TRHDE: variants seen among roughly 807,000 people sequenced by gnomAD.
TRHDE encodes thyrotropin releasing hormone degrading enzyme.
TRHDE carries 72 observed loss-of-function variants against 125.7 expected under a neutral mutation model. That is an observed-to-expected ratio of 0.57 (90% CI 0.47 to 0.70). The LOEUF (loss-of-function observed/expected upper bound fraction) is 0.70. TRHDE is among the 30% of genes least tolerant of loss of function. The pLI is 0.00. For missense variants in TRHDE, 1,110 were observed against 1,327.1 expected, an observed-to-expected ratio of 0.84 and a Z score of 2.54; for synonymous variants, 509 against 509.1, an observed-to-expected ratio of 1.00 and a Z score of 0.00.
chr12:72,105,473 T>G (rs1235972957), intron 1 of TRHDE, among the ~76,000 whole-genome samples: 1 of 152,176 alleles, frequency 6.6e-6, no homozygotes, highest in African/African-American at 2.4e-5. Context: ...TATGGACAGC[T>G]GTGAATGCCA....
chr12:72,498,988 TG>T, intron 5 of TRHDE, among the ~76,000 whole-genome samples: 9 of 151,836 alleles, frequency 5.9e-5, no homozygotes, highest in South Asian at 2.1e-4. Flanking sequence ...TGTGTGTGTG[TG>T]TGTTTTGTGT....
At chr12:72,175,029 T>C (rs1876957140) in intron 2 of TRHDE, among the ~76,000 whole-genome samples, 1 of 152,230 alleles carries the variant, frequency 6.6e-6, no homozygotes, top group Non-Finnish European at 1.5e-5. Flanking sequence ...ACTCTTTTCA[T>C]AGATTTTTTA....
chr12:72,508,501 C>T (rs898289364), intron 6 of TRHDE, among the ~76,000 whole-genome samples: 4 of 152,204 alleles, frequency 2.6e-5, no homozygotes, highest in Admixed American at 2.0e-4. Context: ...CCTGTAGTCC[C>T]TTTGTTTCAG....
intron 6 of TRHDE, among the ~76,000 whole-genome samples, chr12:72,512,337 A>T (rs373678175): frequency 2.0e-5 from 3 of 148,902 alleles, no homozygotes; most frequent in African/African-American, 7.4e-5. Context: ...CAGTAGTCAT[A>T]ATGAAAAATA....
At chr12:72,453,767 G>T (rs1193581940) in intron 3 of TRHDE, among the ~76,000 whole-genome samples, 1 of 152,186 alleles carries the variant, frequency 6.6e-6, no homozygotes, top group Non-Finnish European at 1.5e-5. Flanking sequence ...ACTGCTTCCT[G>T]CATCCCAGCT....
intron 2 of TRHDE, among the ~76,000 whole-genome samples, chr12:72,141,266 C>T: frequency 6.6e-6 from 1 of 152,106 alleles, no homozygotes; most frequent in East Asian, 1.9e-4. Flanking sequence ...ACTACAAAAT[C>T]ATTCCTTTGA....
chr12:72,245,540 T>C (rs187720312), intron 2 of TRHDE, among the ~76,000 whole-genome samples: 15 of 152,230 alleles, frequency 9.9e-5, no homozygotes, highest in Non-Finnish European at 1.6e-4. Flanking sequence ...GTTTCTTGTC[T>C]TCTCTGTGGT....
At chr12:72,491,709 A>G (rs1233850107) in intron 5 of TRHDE, among the ~76,000 whole-genome samples, 1 of 151,960 alleles carries the variant, frequency 6.6e-6, no homozygotes, top group Non-Finnish European at 1.5e-5. Context: ...GTTATCTGGG[A>G]TTATGAAAGG....
At chr12:72,549,881 TTTA>T (rs1226415944) in intron 7 of TRHDE, among the ~76,000 whole-genome samples, 2 of 151,812 alleles carry the variant, frequency 1.3e-5, no homozygotes, top group African/African-American at 4.8e-5. Context: ...TGATTGAATC[TTTA>T]TTATTTTGCT....
At chr12:72,614,312 G>GTA (rs1555202241) in intron 12 of TRHDE, among the ~76,000 whole-genome samples, 60 of 107,672 alleles carry the variant, frequency 5.6e-4, no homozygotes, top group East Asian at 2.6e-3. Flanking sequence ...ATATACATAT[G>GTA]TATATATATA....
intron 3 of TRHDE, among the ~76,000 whole-genome samples, chr12:72,420,955 A>G (rs927730933): frequency 1.3e-5 from 2 of 151,464 alleles, no homozygotes; most frequent in Non-Finnish European, 2.9e-5. Flanking sequence ...TTACAGACTC[A>G]TTATGGGATT....
At chr12:72,259,782 T>C (rs1878904799) in intron 2 of TRHDE, among the ~76,000 whole-genome samples, 1 of 152,100 alleles carries the variant, frequency 6.6e-6, no homozygotes, top group African/African-American at 2.4e-5. Context: ...CTGACTCCCA[T>C]CAAACTGCCT....
chr12:72,592,127 G>C (rs1451792503), intron 12 of TRHDE, among the ~76,000 whole-genome samples: 1 of 151,240 alleles, frequency 6.6e-6, no homozygotes, highest in Non-Finnish European at 1.5e-5. Flanking sequence ...TACTTAATGT[G>C]AGCCATTTGG....
At chr12:72,426,399 G>A (rs1003529410) in intron 3 of TRHDE, among the ~76,000 whole-genome samples, 2 of 152,026 alleles carry the variant, frequency 1.3e-5, no homozygotes, top group African/African-American at 4.8e-5. Context: ...CACTTTCAGT[G>A]GTTTAATTAT....
At chr12:72,097,047 T>A (rs1874940384) in intron 1 of TRHDE, among the ~76,000 whole-genome samples, 1 of 152,236 alleles carries the variant, frequency 6.6e-6, no homozygotes, top group African/African-American at 2.4e-5. Flanking sequence ...CTGGATCATA[T>A]GCCCACCTTC....
intron 12 of TRHDE, among the ~76,000 whole-genome samples, chr12:72,613,314 T>A (rs1348311481): frequency 6.6e-6 from 1 of 152,198 alleles, no homozygotes; most frequent in African/African-American, 2.4e-5. Flanking sequence ...GCAGTGGCCT[T>A]CTTATCTTCT....
At chr12:72,593,329 A>G (rs534187477) in intron 12 of TRHDE, among the ~76,000 whole-genome samples, 16 of 152,312 alleles carry the variant, frequency 1.1e-4, no homozygotes, top group African/African-American at 3.8e-4. Flanking sequence ...ACAACTTTCA[A>G]TCTATTATTA....
intron 2 of TRHDE, among the ~76,000 whole-genome samples, chr12:72,295,464 A>G (rs1880259689): frequency 6.6e-6 from 1 of 152,140 alleles, no homozygotes; most frequent in South Asian, 2.1e-4. Context: ...AAAAGAAGGA[A>G]GTTTTAGAGA....
At chr12:72,323,662 G>A (rs1469520258) in intron 2 of TRHDE, among the ~76,000 whole-genome samples, 1 of 152,092 alleles carries the variant, frequency 6.6e-6, no homozygotes, top group Non-Finnish European at 1.5e-5. Flanking sequence ...AAGGCTTGGT[G>A]CCAAAATGTG....
Sources: allele counts gnomAD v4.1 joint callset (sites outside exome capture counted in the v4.1 genomes callset), GRCh38; gene constraint gnomAD v4.1.1; transcripts MANE v1.5; gene names NCBI Gene and HGNC (gene_info 2026-07-23, HGNC 2026-07-21).